RYR2: variants seen among roughly 807,000 people sequenced by gnomAD.
RYR2 encodes ryanodine receptor 2.
Under a neutral mutation model 601.1 loss-of-function variants are expected in RYR2, and 227 were observed. The ratio of observed to expected loss-of-function variants is 0.38; its 90% CI spans 0.34 to 0.42. The LOEUF (loss-of-function observed/expected upper bound fraction) is 0.42, where lower values mean the gene tolerates loss of function less well. RYR2 is among the 10% of genes least tolerant of loss of function. RYR2 has a pLI of 1.00. For synonymous variants in RYR2, 2,223 were observed against 2,175.1 expected (o/e 1.02, Z -0.61); for missense variants, 4,646 against 6,156.5 (o/e 0.75, Z 8.21).
At chr1:237,191,606 T>A (rs977551537) in intron 1 of RYR2, among the ~76,000 whole-genome samples, 1 of 152,170 alleles carries the variant, frequency 6.6e-6, no homozygotes, top group East Asian at 1.9e-4. Flanking sequence ...CGTGTTCCGA[T>A]TGAGGCTGGA....
At chr1:237,733,077 A>ACT (rs905776349) in intron 78 of RYR2, among the ~76,000 whole-genome samples, 1 of 151,882 alleles carries the variant, frequency 6.6e-6, no homozygotes, top group Non-Finnish European at 1.5e-5. Flanking sequence ...GCATAGAGCA[A>ACT]CTCTCTCTCT....
chr1:237,541,876 T>A (rs890509011), intron 25 of RYR2, among the ~76,000 whole-genome samples: 4 of 152,098 alleles, frequency 2.6e-5, no homozygotes, highest in African/African-American at 9.7e-5. Context: ...CCGGCCATTT[T>A]CACTTCTTTT....
chr1:237,709,797 T>G (rs927965960), intron 70 of RYR2, among the ~76,000 whole-genome samples: 1 of 152,210 alleles, frequency 6.6e-6, no homozygotes, highest in Admixed American at 6.5e-5. Context: ...TGGACTAATA[T>G]TGACATTGCA....
chr1:237,607,283 A>T (rs560164641), intron 35 of RYR2, among the ~76,000 whole-genome samples: 4 of 152,174 alleles, frequency 2.6e-5, no homozygotes, highest in South Asian at 4.1e-4. Flanking sequence ...AGGGACATGG[A>T]TGAAGCTGGA....
chr1:237,252,053 A>G (rs1398018908), intron 1 of RYR2, among the ~76,000 whole-genome samples: 2 of 151,790 alleles, frequency 1.3e-5, no homozygotes, highest in South Asian at 4.2e-4. Context: ...TTGCTTGGCT[A>G]CGGTAACAAC....
chr1:237,265,895 C>T (rs538904293), intron 1 of RYR2, among the ~76,000 whole-genome samples: 2 of 152,124 alleles, frequency 1.3e-5, no homozygotes, highest in Non-Finnish European at 2.9e-5. Context: ...GTGGATGTCA[C>T]CCTTTTGTTA....
chr1:237,791,378 G>GT, intron 92 of RYR2, 51 bp from the exon 93 acceptor site: 1 of 919,502 alleles, frequency 1.1e-6, no homozygotes, highest in Middle Eastern at 2.1e-4. Flanking sequence ...TTGACTGCAG[G>GT]TTTCAAGCCT....
chr1:237,460,575 A>G (rs1482026382), intron 16 of RYR2, among the ~76,000 whole-genome samples: 1 of 152,226 alleles, frequency 6.6e-6, no homozygotes, highest in Non-Finnish European at 1.5e-5. Context: ...TAGAGTAGGC[A>G]GTCAATAAAT....
intron 6 of RYR2, among the ~76,000 whole-genome samples, chr1:237,374,307 G>GTT (rs1700858106): frequency 6.6e-6 from 1 of 151,632 alleles, no homozygotes; most frequent in Non-Finnish European, 1.5e-5. Context: ...GATTGCTTGA[G>GTT]TTTAGGAGTT....
intron 2 of RYR2, among the ~76,000 whole-genome samples, chr1:237,302,538 C>A (rs754886149): frequency 6.6e-6 from 1 of 152,012 alleles, no homozygotes; most frequent in African/African-American, 2.4e-5. Flanking sequence ...AACTGGTGTC[C>A]CTGAATTATA....
At chr1:237,656,059 A>C (rs1344497953) in intron 53 of RYR2, 75 bp downstream of exon 53, 21 of 1,446,976 alleles carry the variant, frequency 1.5e-5, no homozygotes, top group Non-Finnish European at 2.0e-5. Context: ...AAGGTACTAA[A>C]GTGAACTTTC....
intron 20 of RYR2, 69 bp downstream of exon 20, chr1:237,496,821 G>A: frequency 6.5e-7 from 1 of 1,538,276 alleles, no homozygotes; most frequent in Admixed American, 1.9e-5. Context: ...GAAAGCTATT[G>A]GTGCTGCTTC....
At chr1:237,685,212 A>G (rs189310160) in intron 62 of RYR2, among the ~76,000 whole-genome samples, 40 of 152,334 alleles carry the variant, frequency 2.6e-4, no homozygotes, top group Admixed American at 2.1e-3. Context: ...TAGAGAAAAT[A>G]TAGGCTAAAG....
At chr1:237,553,427 A>T (rs1397793346) in intron 27 of RYR2, among the ~76,000 whole-genome samples, 1 of 151,934 alleles carries the variant, frequency 6.6e-6, no homozygotes, top group African/African-American at 2.4e-5. Flanking sequence ...ATTGATCTTT[A>T]TGTCTGTCCT....
intron 3 of RYR2, among the ~76,000 whole-genome samples, chr1:237,344,525 T>C (rs1052640082): frequency 2.6e-4 from 40 of 152,186 alleles, no homozygotes; most frequent in African/African-American, 9.4e-4. Context: ...TTCTGAGCCT[T>C]TCAAAAGTTT....
rs1668040313 is a variant in RYR2, at chr1:237,530,529, C to G, written c.2906+19C>G. The G allele has an allele frequency of 6.5e-7, 1 of 1,534,084 alleles. No homozygotes were observed. Among genetic ancestry groups the G allele is most frequent in the Admixed American group, 1.8e-5 (1 of 54,536 alleles). ...CCAAGAAGTAAGTTGAATGACTAAG[C>G]AATATTAAATAATCTGTGTAGAGAT... is the stretch of plus-strand genomic sequence containing the variant. On this transcript the variant is annotated intron_variant, in intron 25 of 104. Coordinates refer to ENST00000366574, the MANE Select transcript of RYR2 (RefSeq NM_001035.3).
chr1:237,826,889 T>A (rs1663150109), intron 101 of RYR2, among the ~76,000 whole-genome samples: 1 of 152,150 alleles, frequency 6.6e-6, no homozygotes, highest in Non-Finnish European at 1.5e-5. Flanking sequence ...AGGGCTGGAA[T>A]CCATCTATAC....
intron 33 of RYR2, 80 bp from the exon 34 acceptor site, chr1:237,595,418 T>C: frequency 6.6e-7 from 1 of 1,515,820 alleles, no homozygotes; most frequent in Non-Finnish European, 9.0e-7. Flanking sequence ...CGCAGCATAA[T>C]TTAGTTAGTT....
chr1:237,643,903 C>T (rs1016833851), intron 48 of RYR2, among the ~76,000 whole-genome samples: 3 of 152,028 alleles, frequency 2.0e-5, no homozygotes, highest in East Asian at 1.9e-4. Context: ...TGTGAGCCAC[C>T]GCATCCAGAC....
Sources: allele counts gnomAD v4.1 joint callset (sites outside exome capture counted in the v4.1 genomes callset), GRCh38; gene constraint gnomAD v4.1.1; transcripts MANE v1.5; gene names NCBI Gene and HGNC (gene_info 2026-07-23, HGNC 2026-07-21).